LPP: variants seen among roughly 807,000 people sequenced by gnomAD.
LPP encodes LIM domain containing preferred translocation partner in lipoma, also known as lipoma-preferred partner.
LPP carries 38 observed loss-of-function variants against 60.4 expected under a neutral mutation model. That is an observed-to-expected ratio of 0.63 (90% CI 0.49 to 0.83). The LOEUF is 0.83. LPP is among the 40% of genes least tolerant of loss of function. The probability of loss-of-function intolerance (pLI) is 0.00; values close to 1 mark genes in which losing one functional copy is unlikely to be tolerated. For missense variants in LPP, 902 were observed against 783.6 expected (o/e 1.15, Z -1.80); for synonymous variants, 328 against 290.8 (o/e 1.13, Z -1.30).
At chr3:188,365,235 A>G (rs1770777154) in intron 3 of LPP, among the ~76,000 whole-genome samples, 1 of 151,966 alleles carries the variant, frequency 6.6e-6, no homozygotes, top group Non-Finnish European at 1.5e-5. Context: ...AAATCTGGGT[A>G]GGTTTCAGCA....
At chr3:188,528,201 G>A (rs927720051) in intron 6 of LPP, among the ~76,000 whole-genome samples, 1 of 151,968 alleles carries the variant, frequency 6.6e-6, no homozygotes, top group Non-Finnish European at 1.5e-5. Flanking sequence ...CTAATTTTTT[G>A]TATTTTTAGT....
chr3:188,675,230 T>A (rs568061657), intron 7 of LPP, among the ~76,000 whole-genome samples: 1 of 152,198 alleles, frequency 6.6e-6, no homozygotes, highest in Non-Finnish European at 1.5e-5. Flanking sequence ...TGAAGCAGTG[T>A]GTCAAGCCAG....
At chr3:188,859,663 T>C (rs185260751) in intron 9 of LPP, among the ~76,000 whole-genome samples, 2 of 152,288 alleles carry the variant, frequency 1.3e-5, no homozygotes, top group Non-Finnish European at 2.9e-5. Flanking sequence ...GAGAGGCATA[T>C]AAGAAGTTTG....
intron 6 of LPP, among the ~76,000 whole-genome samples, chr3:188,596,896 A>G (rs1840093171): frequency 6.6e-6 from 1 of 151,412 alleles, no homozygotes; most frequent in African/African-American, 2.4e-5. Context: ...AAGTCCGTGA[A>G]TATGTTAGAA....
intron 4 of LPP, among the ~76,000 whole-genome samples, chr3:188,473,501 G>A (rs887631479): frequency 6.6e-6 from 1 of 152,156 alleles, no homozygotes; most frequent in East Asian, 1.9e-4. Context: ...AAGGAGCTTT[G>A]CAAGGTCCTT....
intron 1 of LPP, among the ~76,000 whole-genome samples, chr3:188,189,222 G>A (rs773388056): frequency 1.3e-5 from 2 of 152,168 alleles, no homozygotes; most frequent in Non-Finnish European, 2.9e-5. Context: ...GAGTAGCTGA[G>A]ACTACAAGCA....
chr3:188,653,147 C>T (rs1445598783), intron 7 of LPP, among the ~76,000 whole-genome samples: 7 of 152,196 alleles, frequency 4.6e-5, no homozygotes, highest in Non-Finnish European at 8.8e-5. Context: ...TTGAGATGGG[C>T]TCTGGAATCA....
chr3:188,354,164 AAC>A (rs887635430), intron 3 of LPP, among the ~76,000 whole-genome samples: 7 of 152,098 alleles, frequency 4.6e-5, no homozygotes, highest in African/African-American at 1.7e-4. Flanking sequence ...TGAAAAGAAA[AAC>A]ACACACACAC....
intron 6 of LPP, among the ~76,000 whole-genome samples, 170 bp from the exon 7 acceptor site, chr3:188,608,991 T>A (rs1312368654): frequency 1.3e-5 from 2 of 152,250 alleles, no homozygotes; most frequent in Non-Finnish European, 2.9e-5. Flanking sequence ...CAACTGATTT[T>A]TGTGTTCATC....
chr3:188,786,441 G>A (rs1258166517), intron 9 of LPP, among the ~76,000 whole-genome samples: 1 of 149,852 alleles, frequency 6.7e-6, no homozygotes, highest in East Asian at 1.9e-4. Flanking sequence ...AGGATGTGGA[G>A]TGGAGAGACT....
chr3:188,274,109 A>G (rs182525672), intron 2 of LPP, among the ~76,000 whole-genome samples: 2 of 152,026 alleles, frequency 1.3e-5, no homozygotes, highest in African/African-American at 2.4e-5. Flanking sequence ...TCTTCTCTTT[A>G]TCAGTGAATT....
chr3:188,247,970 AC>A, intron 2 of LPP, among the ~76,000 whole-genome samples: 1 of 152,260 alleles, frequency 6.6e-6, no homozygotes, highest in South Asian at 2.1e-4. Flanking sequence ...ACTTTATGCT[AC>A]AATGCTCATC....
At chr3:188,850,642 A>G (rs918678149) in intron 9 of LPP, among the ~76,000 whole-genome samples, 1 of 152,194 alleles carries the variant, frequency 6.6e-6, no homozygotes, top group Non-Finnish European at 1.5e-5. Context: ...AAGAAAGAAA[A>G]CAAGACTGGT....
rs370201619 is a variant in LPP at position 188,610,568 on chromosome 3, T to G, written c.1113+724T>G. Among the ~76,000 whole-genome samples, 21 of 152,352 alleles carry G rather than the reference T, an allele frequency of 1.4e-4. No individual in the cohort carries two copies. Among genetic ancestry groups the G allele is most frequent in the Admixed American group, 9.8e-4 (15 of 15,304 alleles). On this transcript the variant is annotated intron_variant, in intron 7 of 11. Transcript: ENST00000617246. The surrounding 1 kb of genome is among the most constrained non-coding windows in gnomAD (Gnocchi z 4.4). Reference sequence around the variant, plus strand: ...CTTATTCTTCAGCCTTTAGCACTATTAAGCAATGTTTAAAAACTCCTTATG... The same window carrying G: ...CTTATTCTTCAGCCTTTAGCACTATGAAGCAATGTTTAAAAACTCCTTATG...
At chr3:188,853,575 G>T (rs547843123) in intron 9 of LPP, among the ~76,000 whole-genome samples, 1 of 152,302 alleles carries the variant, frequency 6.6e-6, no homozygotes, top group Non-Finnish European at 1.5e-5. Context: ...TGTAGGAGAG[G>T]TGACAGGCTA....
intron 5 of LPP, among the ~76,000 whole-genome samples, chr3:188,495,064 T>TTTTA (rs1430620373): frequency 1.9e-5 from 1 of 53,880 alleles, no homozygotes; most frequent in East Asian, 1.8e-3. Flanking sequence ...GTTCAGGATT[T>TTTTA]TATATATATA....
chr3:188,823,509 G>C (rs1010514765), intron 9 of LPP, among the ~76,000 whole-genome samples: 5 of 152,122 alleles, frequency 3.3e-5, no homozygotes, highest in Non-Finnish European at 7.4e-5. Context: ...CAAAGTCTAT[G>C]TTGTAAATGA....
At chr3:188,674,858 A>G (rs1254982009) in intron 7 of LPP, among the ~76,000 whole-genome samples, 1 of 152,148 alleles carries the variant, frequency 6.6e-6, no homozygotes, top group Non-Finnish European at 1.5e-5. Flanking sequence ...AAGTGTTGGA[A>G]CCTTCCGAGG....
chr3:188,155,547 C>T (rs1163591887), intron 1 of LPP, among the ~76,000 whole-genome samples: 1 of 152,206 alleles, frequency 6.6e-6, no homozygotes, highest in African/African-American at 2.4e-5. Flanking sequence ...CCTTCCTCAA[C>T]TCTTATAGAT....
Sources: allele counts gnomAD v4.1 joint callset (sites outside exome capture counted in the v4.1 genomes callset), GRCh38; gene constraint gnomAD v4.1.1; non-coding constraint Gnocchi (gnomAD v3.1); transcripts MANE v1.5; gene names NCBI Gene and HGNC (gene_info 2026-07-23, HGNC 2026-07-21).